ZNF18: variants seen among roughly 807,000 people sequenced by gnomAD.
The protein encoded by ZNF18 is heart development-specific gene 1 protein.
A neutral mutation model predicts 58.1 loss-of-function variants in ZNF18; 42 were observed. The observed-to-expected ratio is 0.72, with a 90% CI of 0.56 to 0.93. The LOEUF (loss-of-function observed/expected upper bound fraction) is 0.93, where lower values mean the gene tolerates loss of function less well. ZNF18 is among the 40% of genes least tolerant of loss of function. The probability of loss-of-function intolerance (pLI) is 0.00; values close to 1 mark genes in which losing one functional copy is unlikely to be tolerated. For missense variants in ZNF18, 540 were observed against 644.2 expected, an observed-to-expected ratio of 0.84 and a Z score of 1.75; for synonymous variants, 231 against 239.8, an observed-to-expected ratio of 0.96 and a Z score of 0.34.
chr17:11,998,012 G>A, upstream of ZNF18, among the ~76,000 whole-genome samples: 1 of 151,994 alleles, frequency 6.6e-6, no homozygotes, highest in African/African-American at 2.4e-5. Flanking sequence ...GTTGGGGCTA[G>A]TCCAATGTGG....
chr17:11,977,665 TA>T lies in ZNF18; in HGVS notation c.*291del. 1 of 306,330 alleles carries T rather than the reference TA, an allele frequency of 3.3e-6. No individual in the cohort carries two copies. The highest frequency in any genetic ancestry group is 6.0e-6 in the Non-Finnish European group (1 of 167,148). 19.0% of individuals were successfully genotyped at this position (306,330 alleles called of 1,614,324 possible). A position where few individuals can be genotyped will look rare whatever the true frequency, so the allele number is the denominator to read the frequency against. ...TTAAATGCTTCCCAGAAAGCACTTC[TA>T]AAACTGGATCTCCAATTTAGACTTT... On this transcript the variant is annotated 3_prime_UTR_variant, in exon 7 of 7. Transcript: ENST00000580306.
Position 11,992,755 on chromosome 17 carries a change from T to C in ZNF18, c.75A>G (p.Glu25=). ...LAKAEDSQFS[E]SDAALQEELS... ...GTTCCTCTTGAAGGGCAGCATCTGA[T>C]TCTGAGAACTGGGAGTCCTCGGCCT... The change falls in exon 2 of 7, where the codon GAA becomes GAG. Residue 25 remains glutamate (E), a synonymous_variant. Transcript: ENST00000580306. The C allele has an allele frequency of 6.2e-7, 1 of 1,614,212 alleles. No homozygotes were observed. Among genetic ancestry groups the C allele is most frequent in the Non-Finnish European group, 8.5e-7 (1 of 1,180,042 alleles).
At chr17:11,990,204 TA>T in intron 4 of ZNF18, among the ~76,000 whole-genome samples, 1 of 152,156 alleles carries the variant, frequency 6.6e-6, no homozygotes, top group Admixed American at 6.5e-5. Flanking sequence ...CAAATTGTTT[TA>T]AAAAATGAGA....
Position 11,977,652 on chromosome 17 carries a change from C to A in ZNF18, c.*305G>T. ...ACAGCTAATCCCATTAAATGCTTCC[C>A]AGAAAGCACTTCTAAAACTGGATCT... On this transcript the variant is annotated 3_prime_UTR_variant, in exon 7 of 7. Coordinates refer to ENST00000580306, the MANE Select transcript of ZNF18 (RefSeq NM_001303281.2). 1 of 273,584 alleles carries A rather than the reference C, an allele frequency of 3.7e-6. No individual in the cohort carries two copies. The highest frequency in any genetic ancestry group is 6.9e-6 in the Non-Finnish European group (1 of 145,552). The allele number at this position is 273,584 out of a possible 1,614,324, so 16.9% of individuals were successfully genotyped here.
intron 4 of ZNF18, among the ~76,000 whole-genome samples, chr17:11,987,240 G>A (rs926615567): frequency 6.6e-6 from 1 of 152,194 alleles, no homozygotes; most frequent in Non-Finnish European, 1.5e-5. Context: ...ACAGGGGAAG[G>A]TGAGTAAATG....
chr17:12,011,516 G>C, the ZNF18 span, among the ~76,000 whole-genome samples: 1 of 151,550 alleles, frequency 6.6e-6, no homozygotes, highest in Non-Finnish European at 1.5e-5. Context: ...CTCCCAAGTA[G>C]TTGGGGCTAC....
intron 3 of ZNF18, among the ~76,000 whole-genome samples, 160 bp downstream of exon 3, chr17:11,990,814 C>T (rs1376462114): frequency 2.0e-5 from 3 of 152,218 alleles, no homozygotes; most frequent in Non-Finnish European, 4.4e-5. Context: ...AAAACACAGA[C>T]TTTGACTCTC....
At position 11,991,045 on chromosome 17, in the gene ZNF18, T is replaced by C. The variant is rs751735962; in HGVS notation, c.506A>G (p.Asn169Ser). 6 of 1,614,188 alleles carry C rather than the reference T, an allele frequency of 3.7e-6. No individual in the cohort carries two copies. Among genetic ancestry groups the C allele is most frequent in the Non-Finnish European group, 5.1e-6 (6 of 1,180,036 alleles). Residue 169 changes from asparagine to serine, a missense_variant, in exon 3 of 7, where the codon AAT (asparagine) becomes AGT (serine). By Grantham distance (46) the Asn-to-Ser change is conservative. Transcript: ENST00000580306. ...EVVPQELGLE[N>S]SSSGPGELLS... is the part of the protein sequence containing the mutation. Reference sequence around the variant, plus strand: ...AAGCTCCCCAGGCCCTGAGGATGAATTCTCAAGTCCCAACTCCTGAGGCAC... The same window carrying C: ...AAGCTCCCCAGGCCCTGAGGATGAACTCTCAAGTCCCAACTCCTGAGGCAC...
At chr17:12,020,841 C>T in the ZNF18 span, 13 of 917,324 alleles carry the variant, frequency 1.4e-5, no homozygotes, top group Middle Eastern at 3.8e-4. Context: ...GCCGAGCTTG[C>T]TGCATTGCAG....
At chr17:12,017,944 A>C in the ZNF18 span, among the ~76,000 whole-genome samples, 2 of 152,314 alleles carry the variant, frequency 1.3e-5, no homozygotes, top group Admixed American at 1.3e-4. Context: ...CAAGCAAGCT[A>C]GATTTCTCAA....
chr17:11,988,080 C>G (rs1967868967), intron 4 of ZNF18, among the ~76,000 whole-genome samples: 2 of 152,034 alleles, frequency 1.3e-5, no homozygotes, highest in South Asian at 2.1e-4. Context: ...AAATTTTTTA[C>G]AAAATACAAC....
chr17:11,983,367 T>C lies in ZNF18; in HGVS notation c.792A>G (p.Ile264Met), dbSNP rs766958799. The C allele has an allele frequency of 7.1e-5, 115 of 1,613,924 alleles. No homozygotes were observed. Among genetic ancestry groups the C allele is most frequent in the Non-Finnish European group, 2.5e-6 (3 of 1,179,970 alleles). ...SHPKSDLTNS[I>M]EFGEELAGIY... Reference sequence around the variant, plus strand: ...TTCCTGCCAGCTCTTCCCCAAATTCTATTGAATTAGTCAGGTCAGATTTGG... The same window carrying C: ...TTCCTGCCAGCTCTTCCCCAAATTCCATTGAATTAGTCAGGTCAGATTTGG... Residue 264 changes from isoleucine to methionine, a missense_variant, in exon 6 of 7, where the codon ATA (isoleucine) becomes ATG (methionine). Ile to Met is a conservative substitution (Grantham distance 10). Coordinates refer to ENST00000580306, the MANE Select transcript of ZNF18 (RefSeq NM_001303281.2).
chr17:12,014,795 A>G, the ZNF18 span, among the ~76,000 whole-genome samples: 2 of 152,212 alleles, frequency 1.3e-5, no homozygotes, highest in African/African-American at 4.8e-5. Context: ...TTACACCTGT[A>G]ATACCAGCAC....
the ZNF18 span, among the ~76,000 whole-genome samples, chr17:12,011,687 TG>T: frequency 7.6e-6 from 1 of 131,794 alleles, no homozygotes; most frequent in Middle Eastern, 5.0e-3. Context: ...CCCAGCCAAA[TG>T]TTCTTAATTT....
At chr17:12,010,754 C>A in the ZNF18 span, 1 of 307,402 alleles carries the variant, frequency 3.3e-6, no homozygotes, top group South Asian at 4.3e-5. Flanking sequence ...GCCATGAATT[C>A]ATAGGGAATA....
At chr17:12,016,392 C>G in the ZNF18 span, among the ~76,000 whole-genome samples, 1 of 152,072 alleles carries the variant, frequency 6.6e-6, no homozygotes. Context: ...AGCAGTGGCA[C>G]GATCTTGGCT....
chr17:12,000,684 C>T (rs906231491), upstream of ZNF18, among the ~76,000 whole-genome samples: 2 of 152,122 alleles, frequency 1.3e-5, no homozygotes, highest in Non-Finnish European at 2.9e-5. Flanking sequence ...CCATTGCACT[C>T]TAGCCTGGGC....
chr17:11,992,382 C>G (rs1262174978), intron 2 of ZNF18, 61 bp downstream of exon 2: 2 of 1,555,310 alleles, frequency 1.3e-6, no homozygotes, highest in Non-Finnish European at 1.7e-6. Flanking sequence ...AGACAACACA[C>G]CTGATGGGAC....
At chr17:11,982,068 C>T (rs906086462) in intron 6 of ZNF18, among the ~76,000 whole-genome samples, 5 of 151,936 alleles carry the variant, frequency 3.3e-5, no homozygotes, top group Non-Finnish European at 7.4e-5. Flanking sequence ...CCTTCCTCTC[C>T]GCCTCTCCTC....
Sources: allele counts gnomAD v4.1 joint callset (sites outside exome capture counted in the v4.1 genomes callset), GRCh38; gene constraint gnomAD v4.1.1; transcripts MANE v1.5; gene names NCBI Gene and HGNC (gene_info 2026-07-23, HGNC 2026-07-21).